Variants in AKAP10 observed in about 807,000 individuals in gnomAD.
AKAP10 encodes A-kinase anchoring protein 10.
A neutral mutation model predicts 80.8 loss-of-function variants in AKAP10; 24 were observed. The observed-to-expected ratio is 0.30, with a 90% CI of 0.22 to 0.42. The LOEUF (loss-of-function observed/expected upper bound fraction) is 0.42. Among genes scored for constraint, AKAP10 ranks in the 10% least tolerant of loss-of-function variants. The pLI is 1.00. For synonymous variants in AKAP10, 291 were observed against 277.7 expected (o/e 1.05, Z -0.48); for missense variants, 661 against 794.9 (o/e 0.83, Z 2.03).
intron 9 of AKAP10, among the ~76,000 whole-genome samples, chr17:19,934,016 G>A (rs896869246): frequency 4.6e-5 from 7 of 152,064 alleles, no homozygotes; most frequent in Non-Finnish European, 1.0e-4. Context: ...CTGCCTCCCG[G>A]GTTCAAGAGA....
At chr17:19,951,183 TGGGG>T (rs1384027026) in intron 4 of AKAP10, among the ~76,000 whole-genome samples, 1 of 93,852 alleles carries the variant, frequency 1.1e-5, no homozygotes, top group Non-Finnish European at 2.4e-5. Context: ...GGGAGGGAGG[TGGGG>T]GGTCAGCCCC....
intron 4 of AKAP10, among the ~76,000 whole-genome samples, chr17:19,951,722 TC>T (rs1247724916): frequency 5.3e-5 from 8 of 151,810 alleles, no homozygotes; most frequent in African/African-American, 1.9e-4. Flanking sequence ...TCATCACCAC[TC>T]CCTAATCTCA....
At chr17:19,956,733 G>A (rs966340432) in intron 4 of AKAP10, among the ~76,000 whole-genome samples, 2 of 152,022 alleles carry the variant, frequency 1.3e-5, no homozygotes, top group Non-Finnish European at 2.9e-5. Context: ...CGTCAGGTGT[G>A]GTGATTCATG....
At chr17:19,949,873 T>A (rs543256894) in intron 4 of AKAP10, among the ~76,000 whole-genome samples, 1 of 152,282 alleles carries the variant, frequency 6.6e-6, no homozygotes, top group African/African-American at 2.4e-5. Context: ...TTTATGGTGG[T>A]TAAGTTTTCT....
At chr17:19,960,659 T>TA (rs750987458) in intron 3 of AKAP10, among the ~76,000 whole-genome samples, 31 of 152,226 alleles carry the variant, frequency 2.0e-4, no homozygotes, top group Non-Finnish European at 3.8e-4. Flanking sequence ...TATTGGAAGG[T>TA]AAGTTTTCAT....
At chr17:19,907,666 A>G (rs1287897788) in intron 14 of AKAP10, among the ~76,000 whole-genome samples, 1 of 151,984 alleles carries the variant, frequency 6.6e-6, no homozygotes, top group African/African-American at 2.4e-5. Context: ...TGGCCTCCCA[A>G]AGTGCTGGGA....
At chr17:19,966,929 G>A (rs1199268974) in intron 2 of AKAP10, among the ~76,000 whole-genome samples, 1 of 152,032 alleles carries the variant, frequency 6.6e-6, no homozygotes, top group Non-Finnish European at 1.5e-5. Flanking sequence ...TTGAACTAAT[G>A]TGGAATCTAA....
intron 12 of AKAP10, among the ~76,000 whole-genome samples, chr17:19,918,668 T>C (rs1027867017): frequency 1.3e-5 from 2 of 152,210 alleles, no homozygotes; most frequent in Non-Finnish European, 2.9e-5. Flanking sequence ...TTTTTCTTCT[T>C]ACAAAAATTA....
intron 1 of AKAP10, among the ~76,000 whole-genome samples, chr17:19,969,389 T>A (rs1393575831): frequency 2.0e-5 from 3 of 152,140 alleles, no homozygotes; most frequent in Non-Finnish European, 4.4e-5. Flanking sequence ...AATAATCATA[T>A]AATTGCTTCC....
intron 9 of AKAP10, among the ~76,000 whole-genome samples, chr17:19,934,190 G>A (rs2042968183): frequency 1.3e-5 from 2 of 152,062 alleles, no homozygotes; most frequent in African/African-American, 4.8e-5. Flanking sequence ...CAAAGTGCTG[G>A]GATTACAGAT....
intron 11 of AKAP10, among the ~76,000 whole-genome samples, chr17:19,920,804 C>T (rs548098075): frequency 1.5e-4 from 18 of 123,792 alleles, no homozygotes; most frequent in East Asian, 9.3e-4. Flanking sequence ...AGCTGAGAGC[C>T]GAGATCATAC....
At chr17:19,935,770 C>T (rs900920920) in intron 9 of AKAP10, among the ~76,000 whole-genome samples, 4 of 152,092 alleles carry the variant, frequency 2.6e-5, no homozygotes, top group South Asian at 4.1e-4. Flanking sequence ...CGCATGGAGC[C>T]GTCATCTCCT....
intron 13 of AKAP10, among the ~76,000 whole-genome samples, 173 bp downstream of exon 13, chr17:19,909,753 A>G (rs1376885685): frequency 1.3e-5 from 2 of 152,168 alleles, no homozygotes; most frequent in East Asian, 3.8e-4. Flanking sequence ...CTACCAGGCA[A>G]TTGTTAGATG....
chr17:19,924,419 C>A lies in AKAP10; in HGVS notation c.1740G>T (p.Arg580=). 6.3e-7 allele frequency: 1 copy of A among 1,597,288 alleles called. No homozygotes were observed. The highest frequency in any genetic ancestry group is 8.5e-7 in the Non-Finnish European group (1 of 1,170,692). Residue 580 remains arginine (R), a synonymous_variant, in exon 11 of 15, where the codon CGG becomes CGT. Transcript: ENST00000225737. ...ASLDPESLYQ[R]TYAGKMTFGR... ...TGAGCTAAGCTTACCCGGCATATGT[C>A]CGTTGATATAAAGATTCTGGATCCA...
intron 14 of AKAP10, among the ~76,000 whole-genome samples, chr17:19,907,565 C>G (rs2042644780): frequency 6.6e-6 from 1 of 151,868 alleles, no homozygotes; most frequent in African/African-American, 2.4e-5. Flanking sequence ...CTATAGGCAC[C>G]TGCCACCATG....
chr17:19,949,210 T>C (rs915185852), intron 4 of AKAP10, among the ~76,000 whole-genome samples: 4 of 151,580 alleles, frequency 2.6e-5, no homozygotes, highest in African/African-American at 9.7e-5. Context: ...GTATAAGACA[T>C]ACACAAAAAA....
intron 9 of AKAP10, among the ~76,000 whole-genome samples, chr17:19,934,770 T>G (rs1361936237): frequency 6.6e-6 from 1 of 152,170 alleles, no homozygotes; most frequent in African/African-American, 2.4e-5. Flanking sequence ...CCCAGCACTT[T>G]CGGAGGCCAA....
chr17:19,910,586 A>G (rs2042679400), intron 12 of AKAP10, among the ~76,000 whole-genome samples: 1 of 152,194 alleles, frequency 6.6e-6, no homozygotes, highest in Non-Finnish European at 1.5e-5. Flanking sequence ...ACTAACATCT[A>G]GTGTTAGTTT....
chr17:19,966,364 A>C (rs1407395592), intron 2 of AKAP10, among the ~76,000 whole-genome samples: 3 of 152,142 alleles, frequency 2.0e-5, no homozygotes, highest in African/African-American at 7.2e-5. Context: ...TTACTTGATT[A>C]ATGTTCCTCT....
Sources: allele counts gnomAD v4.1 joint callset (sites outside exome capture counted in the v4.1 genomes callset), GRCh38; gene constraint gnomAD v4.1.1; transcripts MANE v1.5; gene names NCBI Gene and HGNC (gene_info 2026-07-23, HGNC 2026-07-21).